Variants in DMXL1 observed in about 807,000 individuals in gnomAD.
DMXL1 encodes dmX-like protein 1.
Under a neutral mutation model 319.2 loss-of-function variants are expected in DMXL1, and 99 were observed. The ratio of observed to expected loss-of-function variants is 0.31; its 90% CI spans 0.26 to 0.37. The LOEUF is 0.37. DMXL1 is among the 10% of genes least tolerant of loss of function. The probability of loss-of-function intolerance (pLI) is 1.00; values close to 1 mark genes in which losing one functional copy is unlikely to be tolerated. For missense variants in DMXL1, 3,745 were observed against 3,595.6 expected (o/e 1.04, Z -1.06); for synonymous variants, 1,385 against 1,235.2 (o/e 1.12, Z -2.54).
chr5:119,196,490 A>G (rs758078083), intron 31 of DMXL1, 34 bp downstream of exon 31: 52 of 1,217,364 alleles, frequency 4.3e-5, no homozygotes, highest in Admixed American at 2.3e-4. Context: ...TAATGGTGCC[A>G]TTGCTTTTGA....
At chr5:119,181,625 C>T (rs1288455971) in intron 28 of DMXL1, among the ~76,000 whole-genome samples, 1 of 152,094 alleles carries the variant, frequency 6.6e-6, no homozygotes, top group Non-Finnish European at 1.5e-5. Flanking sequence ...AGTTTGAGAC[C>T]AGCCTGGCCA....
chr5:119,107,236 G>A (rs148472452), intron 4 of DMXL1, among the ~76,000 whole-genome samples: 159 of 152,162 alleles, frequency 1.0e-3, no homozygotes, highest in African/African-American at 3.7e-3. Context: ...AGCTATTCAG[G>A]AGGCTGAGGT....
intron 1 of DMXL1, among the ~76,000 whole-genome samples, chr5:119,093,338 G>A (rs1755215137): frequency 1.3e-5 from 2 of 152,262 alleles, no homozygotes; most frequent in African/African-American, 4.8e-5. Context: ...ATTTCACCAT[G>A]TTGGCCAGGC....
intron 5 of DMXL1, among the ~76,000 whole-genome samples, chr5:119,112,001 C>T (rs1353104670): frequency 1.3e-5 from 2 of 152,052 alleles, no homozygotes; most frequent in Non-Finnish European, 2.9e-5. Context: ...CGCTCTGTCG[C>T]CCAGCCTGGA....
rs1298789300 is a variant in DMXL1, at chr5:119,151,986, C to T, written c.4652C>T (p.Thr1551Ile). 6.2e-7 allele frequency: 1 copy of T among 1,613,076 alleles called. No individual in the cohort carries two copies. Among genetic ancestry groups the T allele is most frequent in the Non-Finnish European group, 8.5e-7 (1 of 1,179,532 alleles). ...LKFLLAVRLH[T>I]FLTTSLPAYR... is the part of the protein sequence containing the mutation. ...TTTCTTTTGGCTGTTCGACTCCATA[C>T]CTTTCTTACAACTTCCCTTCCAGCC... The change falls in exon 19 of 44, where the codon ACC (threonine) becomes ATC (isoleucine). Residue 1551 changes from threonine to isoleucine, a missense_variant. Thr to Ile is a moderately conservative substitution (Grantham distance 89, BLOSUM62 -1). Around this residue, in one of 4 missense-constraint regions of DMXL1, gnomAD observed 2,096 missense variants for 1,985.4 expected, o/e 1.06. Transcript: ENST00000539542.
rs573352720 is a variant in DMXL1, at chr5:119,206,847, A to G, written c.7877A>G (p.Asn2626Ser). 99 of 1,527,388 alleles carry G rather than the reference A, an allele frequency of 6.5e-5. No homozygotes were observed. The African/African-American group carries it at 1.4e-3, about 21-fold the overall frequency. The allele number at this position is 1,527,388 out of a possible 1,614,324, so 94.6% of individuals were successfully genotyped here. A position where few individuals can be genotyped will look rare whatever the true frequency, so the allele number is the denominator to read the frequency against. The change falls in exon 34 of 44, where the codon AAC becomes AGC. Residue 2626 changes from asparagine to serine, a missense_variant. This residue lies in a region of DMXL1 where 1,382 missense variants were observed against 1,269.5 expected (regional missense o/e 1.09). Coordinates refer to ENST00000539542, the MANE Select transcript of DMXL1 (RefSeq NM_001290321.3). ...TTCTTGATGAAGTCATTAGAGGACA[A>G]CAGTGAAACCATCAAAAATTCTATG... ...KRCLNESLED[N>S]SETIKNSMME... is the part of the protein sequence containing the mutation.
rs1039222533 is a variant in DMXL1, at chr5:119,220,491, C to T, written c.8033C>T (p.Ala2678Val). 3 of 1,613,740 alleles carry T rather than the reference C, an allele frequency of 1.9e-6. No individual in the cohort carries two copies. The highest frequency in any genetic ancestry group is 2.7e-5 in the African/African-American group (2 of 75,022). The change falls in exon 36 of 44, where the codon GCA (alanine) becomes GTA (valine). Residue 2678 changes from alanine (A) to valine (V), a missense_variant. Physicochemically the swap from Ala to Val is moderately conservative, Grantham distance 64 (BLOSUM62 0). This residue lies in a region of DMXL1 where 1,382 missense variants were observed against 1,269.5 expected (regional missense o/e 1.09). Coordinates refer to ENST00000539542, the MANE Select transcript of DMXL1 (RefSeq NM_001290321.3). ...AVNKANRNCI[A>V]IASSHDVQEL... ...TTTCAGGCAAATAGAAACTGCATAG[C>T]AATCGCTTCCAGTCATGATGTTCAA...
In DMXL1 at chr5:119,167,605, A is replaced by G. The variant is rs1360936792; in HGVS notation, c.5139A>G (p.Val1713=). ...LAGCLRDAIE[V]CLEKLNDIQL... The stretch of plus-strand genomic sequence containing the variant: ...AAAAACAATATTTTTTTTTAAAGGT[A>G]TGTCTTGAGAAATTGAATGACATTC... Residue 1713 remains valine, a splice_region_variant and synonymous_variant, in exon 23 of 44, where the codon GTA becomes GTG. Coordinates refer to ENST00000539542, the MANE Select transcript of DMXL1 (RefSeq NM_001290321.3). 1 of 1,578,784 alleles carries G rather than the reference A, an allele frequency of 6.3e-7. No homozygotes were observed.
chr5:119,212,019 G>T (rs939131189), intron 34 of DMXL1, among the ~76,000 whole-genome samples: 1 of 152,198 alleles, frequency 6.6e-6, no homozygotes, highest in Admixed American at 6.5e-5. Flanking sequence ...GCAATGTTCA[G>T]ATCAGTTTCT....
rs1226379760 is a variant in DMXL1 at position 119,239,968 on chromosome 5, A to AC, written c.8652-451_8652-450insC. Among the ~76,000 whole-genome samples the AC allele has an allele frequency of 2.6e-5, 4 of 151,346 alleles. No homozygotes were observed. The East Asian group carries it at 5.8e-4, about 22-fold the overall frequency. ...GTGTAAAACTCCATCTCAAAAAAAA[A>AC]AAAAAACAAAAAATTGTAGCCAGAG... is the stretch of plus-strand genomic sequence containing the variant. On this transcript the variant is annotated intron_variant, in intron 41 of 43. Transcript: ENST00000539542.
rs753413415 is a variant in DMXL1 at position 119,189,743 on chromosome 5, A to C, written c.7171A>C (p.Lys2391Gln). Reference protein sequence around the residue: ...SLVEEGEKQNKRFRPSKMSCR... With the variant: ...SLVEEGEKQNQRFRPSKMSCR... The stretch of plus-strand genomic sequence containing the variant: ...AGTTGAAGAAGGAGAAAAACAGAAC[A>C]AACGTTTTAGGCCGTCAAAAATGTC... The change falls in exon 29 of 44, where the codon AAA becomes CAA. Residue 2391 changes from lysine (K) to glutamine (Q), a missense_variant. This residue lies in a region of DMXL1 where 1,382 missense variants were observed against 1,269.5 expected (regional missense o/e 1.09). Coordinates refer to ENST00000539542, the MANE Select transcript of DMXL1 (RefSeq NM_001290321.3). 1.2e-6 allele frequency: 2 copies of C among 1,613,970 alleles called. No homozygotes were observed. Among genetic ancestry groups the C allele is most frequent in the African/African-American group, 2.7e-5 (2 of 74,918 alleles).
rs1212176636 is a variant in DMXL1, at chr5:119,133,929, C to T, written c.2005C>T (p.Pro669Ser). 1.5e-5 allele frequency: 24 copies of T among 1,613,984 alleles called. No individual in the cohort carries two copies. Among genetic ancestry groups the T allele is most frequent in the East Asian group, 2.2e-5 (1 of 44,896 alleles). ...NALRTPDVDN[P>S]EQPFDALNIE... ...ATTAAGGACACCAGATGTTGATAAC[C>T]CAGAGCAACCTTTTGATGCTCTAAA... is the stretch of plus-strand genomic sequence containing the variant. The change falls in exon 12 of 44, where the codon CCA becomes TCA. Residue 669 changes from proline (P) to serine (S), a missense_variant. Pro to Ser is a moderately conservative substitution (Grantham distance 74). Transcript: ENST00000539542.
intron 1 of DMXL1, among the ~76,000 whole-genome samples, chr5:119,078,406 C>G (rs1480390520): frequency 6.6e-6 from 1 of 152,134 alleles, no homozygotes; most frequent in Non-Finnish European, 1.5e-5. Context: ...AATTATTTGT[C>G]CAGCCACTGA....
At chr5:119,175,004 C>T (rs1276838667) in intron 25 of DMXL1, among the ~76,000 whole-genome samples, 1 of 152,092 alleles carries the variant, frequency 6.6e-6, no homozygotes, top group African/African-American at 2.4e-5. Context: ...TTCCCCTTTG[C>T]TCTAGAAAAA....
In DMXL1 at chr5:119,116,248, G is replaced by A. The variant is rs368455602; in HGVS notation, c.655G>A (p.Gly219Arg). 3.1e-5 allele frequency: 50 copies of A among 1,613,884 alleles called. No homozygotes were observed. The Middle Eastern group carries it at 8.2e-4, about 27-fold the overall frequency. ...TGGAAGTTCAGAAAAACAATCCCAA[G>A]GAGAAATTGACTTTTCTTTTGTGTA... is the stretch of plus-strand genomic sequence containing the variant. ...PDGSSEKQSQ[G>R]EIDFSFVYLA... Residue 219 changes from glycine to arginine, a missense_variant, in exon 7 of 44, where the codon GGA becomes AGA. Gly to Arg is a moderately radical substitution (Grantham distance 125). Transcript: ENST00000539542.
At chr5:119,131,154 GT>G (rs5870840) in intron 10 of DMXL1, among the ~76,000 whole-genome samples, 64,597 of 142,864 alleles carry the variant, frequency 0.45, 14,985 homozygotes, top group East Asian at 0.94. Flanking sequence ...TTCCTGCTGA[GT>G]TTTTTTTTTT....
rs760855280 is a variant in DMXL1 at position 119,133,559 on chromosome 5, C to T, written c.1635C>T (p.Ser545=). ...GTGATGCAAACTCTCTCTGTAAAAG[C>T]ATAATGATGTATGCCTGTACCAAGA... ...PTGDANSLCK[S]IMMYACTKNV... is the part of the protein sequence containing the mutation. The change falls in exon 12 of 44, where the codon AGC becomes AGT. Residue 545 remains serine (S), a synonymous_variant. Transcript: ENST00000539542. 1.2e-6 allele frequency: 2 copies of T among 1,614,092 alleles called. No homozygotes were observed.
chr5:119,196,404 G>A lies in DMXL1; in HGVS notation c.7491G>A (p.Leu2497=), dbSNP rs1184278691. The change falls in exon 31 of 44, where the codon TTG becomes TTA. Residue 2497 remains leucine (L), a synonymous_variant. Coordinates refer to ENST00000539542, the MANE Select transcript of DMXL1 (RefSeq NM_001290321.3). The part of the protein sequence containing the change: ...WSLMRLAMVQ[L]VLNNLKTFYP... Reference sequence around the variant, plus strand: ...TGATGCGGTTGGCGATGGTGCAATTGGTGCTCAACAATTTGAAGACTTTTT... The same window carrying A: ...TGATGCGGTTGGCGATGGTGCAATTAGTGCTCAACAATTTGAAGACTTTTT... 1.9e-6 allele frequency: 3 copies of A among 1,613,670 alleles called. No homozygotes were observed. The highest frequency in any genetic ancestry group is 2.5e-6 in the Non-Finnish European group (3 of 1,179,862).
chr5:119,153,238 A>G (rs1471345372), intron 19 of DMXL1, among the ~76,000 whole-genome samples: 1 of 152,206 alleles, frequency 6.6e-6, no homozygotes, highest in African/African-American at 2.4e-5. Context: ...CGGCCTCCCA[A>G]AGTGCTGGGC....
Sources: gnomAD v4.1 joint callset for allele counts (sites outside exome capture counted in the v4.1 genomes callset) on GRCh38, gnomAD v4.1.1 for gene constraint, gnomAD v4.1.1 regional missense constraint, MANE v1.5 for transcripts, NCBI Gene and HGNC (gene_info 2026-07-23, HGNC 2026-07-21) for gene names.